ITSN1: variants seen among roughly 807,000 people sequenced by gnomAD.
ITSN1 encodes intersectin-1.
In ITSN1, 58 loss-of-function variants were observed where a neutral mutation model predicts 239.8. The observed-to-expected ratio is 0.24, with a 90% confidence interval of 0.20 to 0.30. The LOEUF is 0.30. ITSN1 is among the 10% of genes least tolerant of loss of function. The pLI, the probability that ITSN1 is intolerant of heterozygous loss-of-function variation, is 1.00. For missense variants in ITSN1, 1,558 were observed against 2,103.3 expected, an observed-to-expected ratio of 0.74 and a Z score of 5.07; for synonymous variants, 780 against 770.8, an observed-to-expected ratio of 1.01 and a Z score of -0.20.
chr21:33,709,364 G>A (rs1255190803), intron 1 of ITSN1, among the ~76,000 whole-genome samples: 1 of 152,148 alleles, frequency 6.6e-6, no homozygotes, highest in Non-Finnish European at 1.5e-5. Context: ...GTTTGAGACG[G>A]AGTTTCACTC....
At chr21:33,739,207 G>A (rs1016726946) in intron 5 of ITSN1, among the ~76,000 whole-genome samples, 6 of 152,174 alleles carry the variant, frequency 3.9e-5, no homozygotes, top group African/African-American at 1.4e-4. Context: ...ATGGGGTGCA[G>A]TGATACTGTG....
chr21:33,872,451 C>G (rs1982913825), intron 33 of ITSN1, among the ~76,000 whole-genome samples: 1 of 152,164 alleles, frequency 6.6e-6, no homozygotes, highest in Non-Finnish European at 1.5e-5. Flanking sequence ...GAACATTGTA[C>G]TATAAAGCAA....
intron 5 of ITSN1, among the ~76,000 whole-genome samples, chr21:33,738,356 G>C (rs1354701936): frequency 1.3e-5 from 2 of 152,014 alleles, no homozygotes; most frequent in Admixed American, 1.3e-4. Context: ...TGAACATTTT[G>C]CTTAAGGCCA....
intron 1 of ITSN1, among the ~76,000 whole-genome samples, chr21:33,645,587 C>T (rs2087864463): frequency 1.3e-5 from 2 of 152,148 alleles, no homozygotes; most frequent in Admixed American, 6.5e-5. Context: ...GAGATGGAGG[C>T]TGCAGTGAGC....
Position 33,663,792 on chromosome 21 carries a change from C to T in ITSN1, c.-33+21079C>T, listed in dbSNP as rs746478497. On this transcript the variant is annotated intron_variant, in intron 1 of 39. Coordinates refer to ENST00000381318, the MANE Select transcript of ITSN1 (RefSeq NM_003024.3). Reference sequence around the variant, plus strand: ...TAATTTTTTGTATTTTTAGTAGAGACGGGGTTTCTCCGTGTTGAGGCTGGT... The same window carrying T: ...TAATTTTTTGTATTTTTAGTAGAGATGGGGTTTCTCCGTGTTGAGGCTGGT... 5.9e-5 allele frequency among the ~76,000 whole-genome samples: 9 copies of T among 152,212 alleles called. No individual in the cohort carries two copies. The South Asian group carries it at 1.0e-3, about 18-fold the overall frequency.
intron 34 of ITSN1, among the ~76,000 whole-genome samples, chr21:33,879,705 A>T (rs546707061): frequency 6.6e-6 from 1 of 152,122 alleles, no homozygotes; most frequent in Non-Finnish European, 1.5e-5. Flanking sequence ...TTTGAGACAG[A>T]GTCTCACTCT....
chr21:33,676,938 T>C (rs1022698739), intron 1 of ITSN1, among the ~76,000 whole-genome samples: 2 of 146,134 alleles, frequency 1.4e-5, no homozygotes, highest in African/African-American at 2.6e-5. Context: ...TTCTCACTCA[T>C]AGGTGGGAAT....
At chr21:33,766,106 C>G in intron 10 of ITSN1, 94 bp downstream of exon 10, 1 of 1,331,226 alleles carries the variant, frequency 7.5e-7, no homozygotes. Flanking sequence ...GATTTTCATC[C>G]CTGACAAGGA....
At chr21:33,829,777 C>T (rs2074185002) in intron 27 of ITSN1, 32 bp downstream of exon 27, 2 of 1,611,856 alleles carry the variant, frequency 1.2e-6, no homozygotes, top group Admixed American at 1.7e-5. Flanking sequence ...TTACAATTCT[C>T]CATCCAAGTT....
chr21:33,755,603 G>A (rs777431146), intron 8 of ITSN1, among the ~76,000 whole-genome samples: 8 of 152,140 alleles, frequency 5.3e-5, no homozygotes, highest in Non-Finnish European at 5.9e-5. Context: ...GTGGTAAAAT[G>A]GAATATAGAC....
chr21:33,674,301 C>T (rs1179059011), intron 1 of ITSN1, among the ~76,000 whole-genome samples: 1 of 152,148 alleles, frequency 6.6e-6, no homozygotes, highest in East Asian at 1.9e-4. Context: ...TTGAAAATTA[C>T]TTTGAAATAC....
At chr21:33,786,443 C>G (rs901210880) in intron 16 of ITSN1, among the ~76,000 whole-genome samples, 1 of 152,198 alleles carries the variant, frequency 6.6e-6, no homozygotes, top group Non-Finnish European at 1.5e-5. Context: ...GTTTTTCTTA[C>G]ACACAGTGCT....
chr21:33,704,969 G>C lies in ITSN1; in HGVS notation c.-32-13828G>C, dbSNP rs376823304. Among the ~76,000 whole-genome samples, 15 of 151,088 alleles carry C rather than the reference G, an allele frequency of 9.9e-5. No homozygotes were observed. In the South Asian group the frequency reaches 3.2e-3, roughly 32 times the overall value. On this transcript the variant is annotated intron_variant, in intron 1 of 39. Coordinates refer to ENST00000381318, the MANE Select transcript of ITSN1 (RefSeq NM_003024.3). ...AAAATACAAACAAAAACATTAGCCA[G>C]GCGTGGTGGCAGGTGCCTGTAGTCC...
chr21:33,751,265 A>T (rs112684656), intron 6 of ITSN1, among the ~76,000 whole-genome samples: 2 of 152,234 alleles, frequency 1.3e-5, no homozygotes, highest in Non-Finnish European at 2.9e-5. Context: ...CTAATGGCAC[A>T]TGTTGCAAGT....
intron 10 of ITSN1, among the ~76,000 whole-genome samples, 200 bp from the exon 11 acceptor site, chr21:33,767,513 A>T (rs549141175): frequency 3.3e-5 from 5 of 152,294 alleles, no homozygotes; most frequent in East Asian, 1.9e-4. Context: ...TAAGCTTGGC[A>T]CTCAGAGTCT....
intron 1 of ITSN1, among the ~76,000 whole-genome samples, chr21:33,670,474 G>T (rs2090196570): frequency 6.6e-6 from 1 of 150,868 alleles, no homozygotes; most frequent in Non-Finnish European, 1.5e-5. Flanking sequence ...GCTTTTTAAT[G>T]AAAATCGCTT....
At chr21:33,758,233 C>T (rs2068056971) in intron 8 of ITSN1, among the ~76,000 whole-genome samples, 1 of 152,118 alleles carries the variant, frequency 6.6e-6, no homozygotes, top group Admixed American at 6.5e-5. Context: ...GGGGGATCCT[C>T]CCACCTCAGC....
In ITSN1 at chr21:33,766,076, A is replaced by G. The variant is rs2068702379; in HGVS notation, c.926+64A>G. 59 of 1,559,096 alleles carry G rather than the reference A, an allele frequency of 3.8e-5. No individual in the cohort carries two copies. In the South Asian group the frequency reaches 5.9e-4, roughly 16 times the overall value. ...GTATATGAATTCCAAACTTGGCTTT[A>G]TTGACTATGTGTCTTACCTGATTTT... On this transcript the variant is annotated intron_variant, in intron 10 of 39. Coordinates refer to ENST00000381318, the MANE Select transcript of ITSN1 (RefSeq NM_003024.3).
intron 1 of ITSN1, among the ~76,000 whole-genome samples, chr21:33,669,330 G>A (rs879617607): frequency 2.0e-5 from 3 of 152,128 alleles, no homozygotes; most frequent in Non-Finnish European, 2.9e-5. Flanking sequence ...TGATCCACCC[G>A]TCTTGGCCTC....
Sources: allele counts gnomAD v4.1 joint callset (sites outside exome capture counted in the v4.1 genomes callset), GRCh38; gene constraint gnomAD v4.1.1; transcripts MANE v1.5; gene names NCBI Gene and HGNC (gene_info 2026-07-23, HGNC 2026-07-21).